The following PKD1 variants were observed in gnomAD, a reference collection of about 807,000 sequenced individuals.
The protein encoded by PKD1 is polycystin-1.
In PKD1, 81 loss-of-function variants were observed where a neutral mutation model predicts 361.7. The ratio of observed to expected loss-of-function variants is 0.22; its 90% CI spans 0.19 to 0.27. The LOEUF is 0.27. Among genes scored for constraint, PKD1 ranks in the 10% least tolerant of loss-of-function variants. The pLI is 1.00. For missense variants in PKD1, 6,399 were observed against 6,118.3 expected (o/e 1.05, Z -1.53); for synonymous variants, 3,615 against 2,818.3 (o/e 1.28, Z -8.95).
chr16:2,114,250 G>T lies in PKD1; in HGVS notation c.2773C>A (p.Arg925=). 3 of 1,610,058 alleles carry T rather than the reference G, an allele frequency of 1.9e-6. No homozygotes were observed. The highest frequency in any genetic ancestry group is 2.5e-6 in the Non-Finnish European group (3 of 1,179,388). Reference sequence around the variant, plus strand: ...CAGATGGGCTCCTCCGCCGTCACCCGCAGGCTGAGGTTGGCCCGGCTGGCG... The same window carrying T: ...CAGATGGGCTCCTCCGCCGTCACCCTCAGGCTGAGGTTGGCCCGGCTGGCG... The part of the protein sequence containing the change: ...NSASRANLSL[R]VTAEEPICGL... Residue 925 remains arginine, a synonymous_variant, in exon 11 of 46, where the codon CGG becomes AGG. Transcript: ENST00000262304.
chr16:2,118,495 G>C lies in PKD1; in HGVS notation c.530-33C>G. 3 of 1,342,942 alleles carry C rather than the reference G, an allele frequency of 2.2e-6. No individual in the cohort carries two copies. Among genetic ancestry groups the C allele is most frequent in the Non-Finnish European group, 3.1e-6 (3 of 970,774 alleles). 83.2% of individuals were successfully genotyped at this position (1,342,942 alleles called of 1,614,324 possible). A position where few individuals can be genotyped will look rare whatever the true frequency, so the allele number is the denominator to read the frequency against. On this transcript the variant is annotated intron_variant, in intron 4 of 45. Coordinates refer to ENST00000262304, the MANE Select transcript of PKD1 (RefSeq NM_001009944.3). This position sits in a 1 kb window ranked among gnomAD's most constrained non-coding sequence, Gnocchi z 6.0. ...AGGCAGCCACTGGACCCCGGGTTCT[G>C]CTCCTCCTGGCTCCACCCCACGCCC... is the stretch of plus-strand genomic sequence containing the variant.
chr16:2,130,444 C>T (rs2092858655), intron 1 of PKD1, among the ~76,000 whole-genome samples: 1 of 152,226 alleles, frequency 6.6e-6, no homozygotes, highest in Admixed American at 6.5e-5. Flanking sequence ...GCCCCCTCCC[C>T]ATCATCCATC....
At chr16:2,107,007 G>A (rs1392051553) in intron 16 of PKD1, 59 bp from the exon 17 acceptor site, 2 of 1,524,576 alleles carry the variant, frequency 1.3e-6, no homozygotes, top group East Asian at 4.5e-5. Context: ...GGAAGGACTG[G>A]GGGACCCATG....
In PKD1 at chr16:2,105,946, A is replaced by G. The variant is rs748415391; in HGVS notation, c.7782T>C (p.Ser2594=). 6 of 1,598,646 alleles carry G rather than the reference A, an allele frequency of 3.8e-6. No individual in the cohort carries two copies. The highest frequency in any genetic ancestry group is 2.2e-5 in the East Asian group (1 of 44,854). Residue 2594 remains serine, a synonymous_variant, in exon 20 of 46, where the codon AGT becomes AGC. Coordinates refer to ENST00000262304, the MANE Select transcript of PKD1 (RefSeq NM_001009944.3). ...LTVWLHGLTA[S]VLPGLLRQAD... is the part of the protein sequence containing the mutation. ...CCTGCCGCAGCAGCCCTGGGAGCAC[A>G]CTAGCGGTGAGCCCGTGCAGCCAGA...
At position 2,109,531 on chromosome 16, in the gene PKD1, T is replaced by G. The variant is rs1207243391; in HGVS notation, c.5636A>C (p.Tyr1879Ser). ...GATGGGCTCCTCCGCCGTGAGGTTG[T>G]ACGTGGCTGAGACCCAGCTGACTGC... ...SNAVSWVSATYNLTAEEPIVG... is the reference protein window; with the variant it reads ...SNAVSWVSATSNLTAEEPIVG... Residue 1879 changes from tyrosine to serine, a missense_variant, in exon 15 of 46, where the codon TAC becomes TCC. Coordinates refer to ENST00000262304, the MANE Select transcript of PKD1 (RefSeq NM_001009944.3). 1.2e-6 allele frequency: 2 copies of G among 1,611,240 alleles called. No homozygotes were observed. Among genetic ancestry groups the G allele is most frequent in the Admixed American group, 1.7e-5 (1 of 59,924 alleles).
rs989728910 is a variant in PKD1, at chr16:2,106,611, T to G, written c.7276A>C (p.Ser2426Arg). 9 of 1,598,566 alleles carry G rather than the reference T, an allele frequency of 5.6e-6. No homozygotes were observed. Among genetic ancestry groups the G allele is most frequent in the Non-Finnish European group, 7.6e-6 (9 of 1,179,148 alleles). ...CGCAGCACCAGTCGCATGCCTGCAC[T>G]GCCCGTGGATGTGGTGGTCTCATCC... ...VLDETTTSTG[S>R]AGMRLVLRRG... is the part of the protein sequence containing the mutation. Residue 2426 changes from serine (S) to arginine (R), a missense_variant, in exon 18 of 46, where the codon AGT becomes CGT. Transcript: ENST00000262304. The surrounding 1 kb of genome is among the most constrained non-coding windows in gnomAD (Gnocchi z 6.5).
chr16:2,093,804 C>T lies in PKD1; in HGVS notation c.10821+7G>A, dbSNP rs2151708341. ...GGCCTGTAGCCTACCCCTGGCAGCC[C>T]CCTCACCTTCAGTGGCTCCCAGCCG... is the stretch of plus-strand genomic sequence containing the variant. On this transcript the variant is annotated splice_region_variant and intron_variant, in intron 36 of 45. Coordinates refer to ENST00000262304, the MANE Select transcript of PKD1 (RefSeq NM_001009944.3). 1 of 1,554,216 alleles carries T rather than the reference C, an allele frequency of 6.4e-7. No homozygotes were observed. The highest frequency in any genetic ancestry group is 1.7e-4 in the Middle Eastern group (1 of 6,004).
Position 2,110,887 on chromosome 16 carries a change from C to T in PKD1, c.4280G>A (p.Arg1427Lys), listed in dbSNP as rs1036172498. ...GTAGATGAACGTCACCTCAGGGCCC[C>T]TGGCACGGGTGGGGGCGGCTTCCTC... The part of the protein sequence containing the change: ...GTEEAAPTRA[R>K]GPEVTFIYRD... Residue 1427 changes from arginine to lysine, a missense_variant, in exon 15 of 46, where the codon AGG (arginine) becomes AAG (lysine). Arg to Lys is a conservative substitution (Grantham distance 26). Transcript: ENST00000262304. 9.3e-6 allele frequency: 15 copies of T among 1,611,618 alleles called. No individual in the cohort carries two copies. The highest frequency in any genetic ancestry group is 1.3e-5 in the Non-Finnish European group (15 of 1,179,856).
intron 30 of PKD1, chr16:2,099,076 C>T: frequency 4.6e-6 from 1 of 217,590 alleles, no homozygotes; most frequent in Non-Finnish European, 9.2e-6. Context: ...AAGTGATCTG[C>T]CCGCCTCGGC....
Position 2,108,701 on chromosome 16 carries a change from G to A in PKD1, c.6466C>T (p.Pro2156Ser). ...GATCGCCGCATCAGCACCTGCAGGG[G>A]CAGGACCACGTCCACCTCCGGCTCC... ...CREPEVDVVL[P>S]LQVLMRRSQR... The change falls in exon 15 of 46, where the codon CCC (proline) becomes TCC (serine). Residue 2156 changes from proline to serine, a missense_variant. Transcript: ENST00000262304. 4 of 1,569,932 alleles carry A rather than the reference G, an allele frequency of 2.5e-6. No individual in the cohort carries two copies. The highest frequency in any genetic ancestry group is 3.5e-6 in the Non-Finnish European group (4 of 1,158,386).
rs777664625 is a variant in PKD1 at position 2,089,583 on chromosome 16, CACAG to C, written c.*140_*143del. 205 of 1,052,840 alleles carry C rather than the reference CACAG, an allele frequency of 1.9e-4. No individual in the cohort carries two copies. Among genetic ancestry groups the C allele is most frequent in the Admixed American group, 3.4e-4 (16 of 46,678 alleles). 65.2% of individuals were successfully genotyped at this position (1,052,840 alleles called of 1,614,324 possible). ...ACAGCCTCTTTAAAGTGCTGAAGCCCACAGACAGACAGATGCCCCTGCCTGCTCT... is the reference window on the plus strand; with the variant it reads ...ACAGCCTCTTTAAAGTGCTGAAGCCCACAGACAGATGCCCCTGCCTGCTCT... On this transcript the variant is annotated 3_prime_UTR_variant, in exon 46 of 46. Coordinates refer to ENST00000262304, the MANE Select transcript of PKD1 (RefSeq NM_001009944.3).
intron 14 of PKD1, 55 bp downstream of exon 14, chr16:2,112,285 G>A: frequency 4.0e-6 from 6 of 1,496,718 alleles, no homozygotes; most frequent in East Asian, 2.3e-5. Flanking sequence ...GAGCTGGGGG[G>A]ACCCCGTGCT....
At position 2,119,352 on chromosome 16, in the gene PKD1, G is replaced by A. The variant is rs531570028; in HGVS notation, c.242C>T (p.Ala81Val). The A allele has an allele frequency of 3.3e-4, 472 of 1,448,200 alleles. 3 individuals carry two copies. In the East Asian group the frequency reaches 9.7e-3, roughly 30 times the overall value. The allele number at this position is 1,448,200 out of a possible 1,614,324, so 89.7% of individuals were successfully genotyped here. The change falls in exon 2 of 46, where the codon GCG (alanine) becomes GTG (valine). Residue 81 changes from alanine to valine, a missense_variant. Ala to Val is a moderately conservative substitution (Grantham distance 64, BLOSUM62 0). Transcript: ENST00000262304. ...GTTCGCCAGGAGCCCAACGTCCAGC[G>A]CCCGGAGCAGGTTGTGGGAGACGTC... ...ALDVSHNLLRALDVGLLANLS... is the reference protein window; with the variant it reads ...ALDVSHNLLRVLDVGLLANLS...
At chr16:2,127,569 G>C (rs1596616500) in intron 1 of PKD1, among the ~76,000 whole-genome samples, 1 of 152,106 alleles carries the variant, frequency 6.6e-6, no homozygotes. Context: ...TGGCAGGGCA[G>C]GTCTCACAGT....
chr16:2,107,361 C>A (rs1262405953), intron 16 of PKD1: 5 of 370,600 alleles, frequency 1.3e-5, no homozygotes, highest in African/African-American at 2.1e-5. Flanking sequence ...GAACCTGCTC[C>A]CACACCCTCC....
rs371589720 is a variant in PKD1 at position 2,111,219 on chromosome 16, G to A, written c.3948C>T (p.Tyr1316=). 71 of 1,611,256 alleles carry A rather than the reference G, an allele frequency of 4.4e-5. No individual in the cohort carries two copies. The South Asian group carries it at 6.2e-4, about 14-fold the overall frequency. Residue 1316 remains tyrosine, a synonymous_variant, in exon 15 of 46, where the codon TAC becomes TAT. Coordinates refer to ENST00000262304, the MANE Select transcript of PKD1 (RefSeq NM_001009944.3). The part of the protein sequence containing the change: ...PTQPDARLTA[Y]VTGNPAHYLF... The stretch of plus-strand genomic sequence containing the variant: ...GGTAGTGGGCCGGGTTCCCGGTGAC[G>A]TAGGCCGTGAGCCGCGCGTCAGGCT...
chr16:2,130,554 C>A (rs2092860915), intron 1 of PKD1, among the ~76,000 whole-genome samples: 1 of 152,206 alleles, frequency 6.6e-6, no homozygotes, highest in Non-Finnish European at 1.5e-5. Context: ...CTCATGGAGG[C>A]CTTGGTGACA....
At position 2,088,786 on chromosome 16, in the gene PKD1, C is replaced by A; in HGVS notation, c.*941G>T. 1.2e-6 allele frequency: 1 copy of A among 867,536 alleles called. No homozygotes were observed. Among genetic ancestry groups the A allele is most frequent in the Non-Finnish European group, 1.7e-6 (1 of 577,270 alleles). 53.7% of individuals were successfully genotyped at this position (867,536 alleles called of 1,614,324 possible). ...GGGGTGTCGAGGCTCTAGAAGCGGCCATGCCCACAGAAGTGGTACACAGAA... is the reference window on the plus strand; with the variant it reads ...GGGGTGTCGAGGCTCTAGAAGCGGCAATGCCCACAGAAGTGGTACACAGAA... On this transcript the variant is annotated 3_prime_UTR_variant, in exon 46 of 46. Transcript: ENST00000262304.
Position 2,099,866 on chromosome 16 carries a change from G to C in PKD1, c.9918C>G (p.Ala3306=). The change falls in exon 29 of 46, where the codon GCC becomes GCG. Residue 3306 remains alanine (A), a synonymous_variant. Coordinates refer to ENST00000262304, the MANE Select transcript of PKD1 (RefSeq NM_001009944.3). ...CCGACCCCTACGGCACCCACCTGTA[G>C]GCAGAGTCGCCAACAGCCCCGTACC... ...AVWYGAVGDS[A]YSTGHVSRLS... The C allele has an allele frequency of 6.4e-7, 1 of 1,567,102 alleles. No individual in the cohort carries two copies. Among genetic ancestry groups the C allele is most frequent in the Non-Finnish European group, 8.6e-7 (1 of 1,157,344 alleles).
Sources: gnomAD v4.1 joint callset for allele counts (sites outside exome capture counted in the v4.1 genomes callset) on GRCh38, gnomAD v4.1.1 for gene constraint, Gnocchi (gnomAD v3.1) non-coding constraint, MANE v1.5 for transcripts, NCBI Gene and HGNC (gene_info 2026-07-23, HGNC 2026-07-21) for gene names.